Variants in ADAMTS17 observed in about 807,000 individuals in gnomAD.
The protein encoded by ADAMTS17 is ADAM metallopeptidase with thrombospondin type 1 motif 17.
ADAMTS17 carries 113 observed loss-of-function variants against 141.5 expected under a neutral mutation model. The ratio of observed to expected loss-of-function variants is 0.80; its 90% CI spans 0.69 to 0.93. The LOEUF (loss-of-function observed/expected upper bound fraction) is 0.93. Ranked by LOEUF, ADAMTS17 falls within the 40% of genes least tolerant of loss-of-function variation. The pLI, the probability that ADAMTS17 is intolerant of heterozygous loss-of-function variation, is 0.00. For synonymous variants in ADAMTS17, 768 were observed against 630.6 expected (o/e 1.22, Z -3.27); for missense variants, 1,659 against 1,517.9 (o/e 1.09, Z -1.54).
intron 13 of ADAMTS17, among the ~76,000 whole-genome samples, chr15:100,114,172 TTTTA>T (rs1347389807): frequency 6.6e-6 from 1 of 151,176 alleles, no homozygotes; most frequent in Non-Finnish European, 1.5e-5. Flanking sequence ...TTTTTTTTTT[TTTTA>T]AAAAAAGGAA....
chr15:100,254,811 A>T (rs1272035241), intron 6 of ADAMTS17, among the ~76,000 whole-genome samples: 5 of 152,180 alleles, frequency 3.3e-5, no homozygotes, highest in African/African-American at 1.2e-4. Context: ...ACATGGACAC[A>T]TGGTGGGGAA....
intron 15 of ADAMTS17, among the ~76,000 whole-genome samples, chr15:100,079,679 G>C (rs555929965): frequency 6.6e-6 from 1 of 152,162 alleles, no homozygotes; most frequent in Non-Finnish European, 1.5e-5. Context: ...TCATGGAAAC[G>C]GCAGTGGTTT....
chr15:100,226,339 C>T lies in ADAMTS17; in HGVS notation c.1076-26916G>A, dbSNP rs116081671. Among the ~76,000 whole-genome samples the T allele has an allele frequency of 9.8e-4, 149 of 152,374 alleles. 1 individual carries two copies. Among genetic ancestry groups the T allele is most frequent in the Middle Eastern group, 3.4e-3 (1 of 294 alleles). On this transcript the variant is annotated intron_variant, in intron 7 of 21. Coordinates refer to ENST00000268070, the MANE Select transcript of ADAMTS17 (RefSeq NM_139057.4). ...AGCAGTCATGACATGAGTTACGCCT[C>T]CAAAGATAAGCAGGAGTCAGCCGGG...
intron 15 of ADAMTS17, among the ~76,000 whole-genome samples, chr15:100,091,177 G>T: frequency 6.6e-6 from 1 of 151,926 alleles, no homozygotes; most frequent in South Asian, 2.1e-4. Flanking sequence ...GAGCCACCAA[G>T]AAGGGAAAGA....
rs2060268161 is a variant in ADAMTS17 at position 99,974,091 on chromosome 15, A to G, written c.*311T>C. ...GTCAAAAGCGAGTCAAGACAAGAAC[A>G]CTAAATGATGTCTCTCTCTTGACGG... is the stretch of plus-strand genomic sequence containing the variant. On this transcript the variant is annotated 3_prime_UTR_variant, in exon 22 of 22. Coordinates refer to ENST00000268070, the MANE Select transcript of ADAMTS17 (RefSeq NM_139057.4). The G allele has an allele frequency of 2.2e-6, 1 of 451,046 alleles. No individual in the cohort carries two copies. The highest frequency in any genetic ancestry group is 4.1e-6 in the Non-Finnish European group (1 of 242,984). 27.9% of individuals were successfully genotyped at this position (451,046 alleles called of 1,614,324 possible).
chr15:100,000,880 A>T (rs2060907329), intron 18 of ADAMTS17, among the ~76,000 whole-genome samples: 1 of 152,238 alleles, frequency 6.6e-6, no homozygotes, highest in Non-Finnish European at 1.5e-5. Flanking sequence ...TCTCAAATAA[A>T]GGAGACATCT....
intron 3 of ADAMTS17, among the ~76,000 whole-genome samples, chr15:100,297,799 G>C (rs1189007554): frequency 6.6e-6 from 1 of 152,206 alleles, no homozygotes; most frequent in Non-Finnish European, 1.5e-5. Context: ...GGAATCATCA[G>C]TTCCAGACGA....
chr15:100,159,517 G>A (rs2039592741), intron 8 of ADAMTS17, among the ~76,000 whole-genome samples: 1 of 152,208 alleles, frequency 6.6e-6, no homozygotes, highest in African/African-American at 2.4e-5. Context: ...TAAAACTGGT[G>A]AGAGAGTTTT....
chr15:100,151,708 C>T (rs115116451), intron 10 of ADAMTS17, among the ~76,000 whole-genome samples: 39 of 152,310 alleles, frequency 2.6e-4, no homozygotes, highest in African/African-American at 7.0e-4. Flanking sequence ...CCCCTAGCCC[C>T]GTCACTGCCA....
At chr15:100,133,932 C>T (rs2038189382) in intron 10 of ADAMTS17, among the ~76,000 whole-genome samples, 1 of 152,240 alleles carries the variant, frequency 6.6e-6, no homozygotes, top group Non-Finnish European at 1.5e-5. Context: ...ACAGAACTTC[C>T]AGAACATCTA....
intron 19 of ADAMTS17, among the ~76,000 whole-genome samples, chr15:99,995,496 C>T (rs2060783887): frequency 6.6e-6 from 1 of 152,198 alleles, no homozygotes; most frequent in Admixed American, 6.5e-5. Context: ...GCCCTTCGGT[C>T]TCTCTCTTTG....
At chr15:100,099,301 C>T (rs188283694) in intron 14 of ADAMTS17, among the ~76,000 whole-genome samples, 5 of 152,280 alleles carry the variant, frequency 3.3e-5, no homozygotes, top group Admixed American at 2.6e-4. Flanking sequence ...TAAATGCTGA[C>T]GGGTGACAGC....
intron 10 of ADAMTS17, among the ~76,000 whole-genome samples, chr15:100,135,956 G>A (rs1378015688): frequency 6.6e-6 from 1 of 152,182 alleles, no homozygotes; most frequent in Non-Finnish European, 1.5e-5. Context: ...GGGGCACAAT[G>A]GGTCCTTTTG....
intron 3 of ADAMTS17, among the ~76,000 whole-genome samples, chr15:100,320,224 A>G (rs2045690439): frequency 6.6e-6 from 1 of 152,202 alleles, no homozygotes; most frequent in Non-Finnish European, 1.5e-5. Context: ...AGGAAAAAAT[A>G]GTAAGATCCA....
At chr15:100,164,401 CA>C (rs1198544853) in intron 8 of ADAMTS17, among the ~76,000 whole-genome samples, 2 of 152,108 alleles carry the variant, frequency 1.3e-5, no homozygotes, top group Admixed American at 1.3e-4. Context: ...GTCATTCATT[CA>C]TTCATTCAAC....
intron 8 of ADAMTS17, among the ~76,000 whole-genome samples, chr15:100,156,875 G>A (rs949462349): frequency 6.6e-6 from 1 of 152,134 alleles, no homozygotes; most frequent in Non-Finnish European, 1.5e-5. Flanking sequence ...TCTTATTATA[G>A]GCATGCTTTG....
intron 8 of ADAMTS17, among the ~76,000 whole-genome samples, chr15:100,175,600 C>T (rs1596190739): frequency 6.6e-6 from 1 of 152,252 alleles, no homozygotes; most frequent in East Asian, 1.9e-4. Flanking sequence ...AGACTCTGAC[C>T]TCAGAGGTGA....
rs559732167 is a variant in ADAMTS17, at chr15:100,187,652, A to G, written c.1181+11666T>C. ...ATAACAAATGTGGAAACAGAAAATG[A>G]TGCTTTTCATACCTGACTCAAGACA... On this transcript the variant is annotated intron_variant, in intron 8 of 21. Transcript: ENST00000268070. Among the ~76,000 whole-genome samples the G allele has an allele frequency of 1.2e-4, 19 of 152,252 alleles. No individual in the cohort carries two copies. The South Asian group carries it at 2.9e-3, about 23-fold the overall frequency.
intron 20 of ADAMTS17, 92 bp from the exon 21 acceptor site, chr15:99,976,314 C>T: frequency 6.8e-7 from 1 of 1,479,958 alleles, no homozygotes; most frequent in Admixed American, 2.0e-5. Flanking sequence ...GACAGGACAG[C>T]CTGAGTGGGG....
Sources: gnomAD v4.1 joint callset for allele counts (sites outside exome capture counted in the v4.1 genomes callset) on GRCh38, gnomAD v4.1.1 for gene constraint, MANE v1.5 for transcripts, NCBI Gene and HGNC (gene_info 2026-07-23, HGNC 2026-07-21) for gene names.